CHCHD3: variants seen among roughly 807,000 people sequenced by gnomAD.
CHCHD3 encodes coiled-coil-helix-coiled-coil-helix domain containing 3.
Under a neutral mutation model 38.2 loss-of-function variants are expected in CHCHD3, and 20 were observed. That is an observed-to-expected ratio of 0.52 (90% CI 0.37 to 0.76). The LOEUF (loss-of-function observed/expected upper bound fraction) is 0.76. Ranked by LOEUF, CHCHD3 falls within the 30% of genes least tolerant of loss-of-function variation. CHCHD3 has a pLI of 0.00. For missense variants in CHCHD3, 245 were observed against 279.2 expected, an observed-to-expected ratio of 0.88 and a Z score of 0.87; for synonymous variants, 82 against 100.0, an observed-to-expected ratio of 0.82 and a Z score of 1.07.
In CHCHD3 at chr7:132,864,624, T is replaced by G. The variant is rs1808572401; in HGVS notation, c.453+21038A>C. Among the ~76,000 whole-genome samples the G allele has an allele frequency of 2.0e-5, 3 of 152,154 alleles. No homozygotes were observed. In the South Asian group the frequency reaches 6.2e-4, roughly 32 times the overall value. The stretch of plus-strand genomic sequence containing the variant: ...TAAAAAGGCAAATGAAGTATGTCTG[T>G]ACTGTGATTTGTCCATCTGGCACCT... On this transcript the variant is annotated intron_variant, in intron 5 of 7. Coordinates refer to ENST00000262570, the MANE Select transcript of CHCHD3 (RefSeq NM_017812.4).
chr7:132,930,160 C>CT (rs1239916406), intron 4 of CHCHD3, among the ~76,000 whole-genome samples: 1 of 144,610 alleles, frequency 6.9e-6, no homozygotes, highest in Non-Finnish European at 1.5e-5. Context: ...CCTCCCACTC[C>CT]TAATTTTTTT....
chr7:132,884,005 C>T (rs1392073270), intron 5 of CHCHD3, among the ~76,000 whole-genome samples: 1 of 152,174 alleles, frequency 6.6e-6, no homozygotes, highest in Non-Finnish European at 1.5e-5. Flanking sequence ...GTCAGCTCTA[C>T]CTTTAAAATA....
chr7:132,787,609 G>A lies in CHCHD3; in HGVS notation c.661-1949C>T, dbSNP rs150030264. On this transcript the variant is annotated intron_variant, in intron 7 of 7. Coordinates refer to ENST00000262570, the MANE Select transcript of CHCHD3 (RefSeq NM_017812.4). ...AGAAGGACGCTGTAGGCCCTCTGAG[G>A]TCAAAGGTCTCTAGACACAACAATT... Among the ~76,000 whole-genome samples, 1,244 of 152,154 alleles carry A rather than the reference G, an allele frequency of 8.2e-3. 13 individuals carry two copies. Among genetic ancestry groups the A allele is most frequent in the African/African-American group, 0.029 (1,209 of 41,474 alleles).
chr7:132,807,606 A>AATATATATAT (rs55835343), intron 6 of CHCHD3, among the ~76,000 whole-genome samples: 1,283 of 108,768 alleles, frequency 0.012, 34 homozygotes, highest in Non-Finnish European at 0.015. Context: ...CATACACATA[A>AATATATATAT]ATATATATAT....
At chr7:132,972,812 T>A in intron 4 of CHCHD3, 3 of 985,368 alleles carry the variant, frequency 3.0e-6, no homozygotes, top group Non-Finnish European at 3.6e-6. Flanking sequence ...GTACTACAAT[T>A]TGTCATCTAT....
At chr7:132,872,501 T>C (rs1161397823) in intron 5 of CHCHD3, among the ~76,000 whole-genome samples, 3 of 152,228 alleles carry the variant, frequency 2.0e-5, no homozygotes, top group Admixed American at 2.0e-4. Context: ...TTCTTTTCTC[T>C]GCATCCCCTC....
At chr7:133,064,437 G>C (rs765876609) in intron 2 of CHCHD3, among the ~76,000 whole-genome samples, 11 of 152,212 alleles carry the variant, frequency 7.2e-5, no homozygotes, top group Non-Finnish European at 1.0e-4. Flanking sequence ...TGGAAACCTA[G>C]ATGTTCAGTT....
intron 2 of CHCHD3, among the ~76,000 whole-genome samples, chr7:133,038,538 T>C (rs1813741281): frequency 6.6e-6 from 1 of 152,160 alleles, no homozygotes; most frequent in Non-Finnish European, 1.5e-5. Context: ...AGCATTTAAT[T>C]TTGTCTTCCA....
intron 5 of CHCHD3, among the ~76,000 whole-genome samples, chr7:132,860,316 A>G (rs7786548): frequency 0.051 from 6,855 of 134,632 alleles, 222 homozygotes; most frequent in South Asian, 0.11. Flanking sequence ...GAGAGAGAGA[A>G]AGAGAGAGAG....
chr7:132,928,634 T>A (rs1399117065), intron 4 of CHCHD3, among the ~76,000 whole-genome samples: 1 of 151,990 alleles, frequency 6.6e-6, no homozygotes, highest in Non-Finnish European at 1.5e-5. Flanking sequence ...GAGGCGGAGG[T>A]TGCAGTGAGC....
intron 7 of CHCHD3, among the ~76,000 whole-genome samples, chr7:132,795,543 C>G (rs1806585576): frequency 6.6e-6 from 1 of 152,078 alleles, no homozygotes; most frequent in South Asian, 2.1e-4. Context: ...ACTAACCCTC[C>G]CGTCGGATAT....
chr7:132,987,511 G>A (rs1055217551), intron 3 of CHCHD3, among the ~76,000 whole-genome samples: 1 of 152,168 alleles, frequency 6.6e-6, no homozygotes, highest in African/African-American at 2.4e-5. Flanking sequence ...CACACCAGAC[G>A]AATTAACAGA....
chr7:132,902,909 A>G (rs1162862465), intron 4 of CHCHD3, among the ~76,000 whole-genome samples: 1 of 152,252 alleles, frequency 6.6e-6, no homozygotes, highest in East Asian at 1.9e-4. Flanking sequence ...AAAACGAGGC[A>G]GAGAGCTCCA....
At chr7:133,062,432 C>G (rs1023200029) in intron 2 of CHCHD3, among the ~76,000 whole-genome samples, 1 of 152,144 alleles carries the variant, frequency 6.6e-6, no homozygotes, top group African/African-American at 2.4e-5. Context: ...TTTTATTTCA[C>G]AAATCTTGAA....
intron 4 of CHCHD3, among the ~76,000 whole-genome samples, chr7:132,900,336 G>A (rs902388777): frequency 1.2e-5 from 1 of 82,698 alleles, no homozygotes; most frequent in Non-Finnish European, 2.5e-5. Context: ...AGGTGATGGA[G>A]GGAGAGAGAT....
At chr7:132,913,367 A>G (rs1324698467) in intron 4 of CHCHD3, among the ~76,000 whole-genome samples, 1 of 152,216 alleles carries the variant, frequency 6.6e-6, no homozygotes, top group Admixed American at 6.5e-5. Context: ...AGAAGGGGAA[A>G]TTATGCCTCT....
intron 5 of CHCHD3, among the ~76,000 whole-genome samples, chr7:132,850,106 T>A (rs1292949071): frequency 6.6e-6 from 1 of 152,168 alleles, no homozygotes; most frequent in Admixed American, 6.5e-5. Context: ...GAAGCAACTT[T>A]CTCCTTTGCA....
At chr7:133,062,801 GGA>G (rs780786983) in intron 2 of CHCHD3, among the ~76,000 whole-genome samples, 2 of 152,070 alleles carry the variant, frequency 1.3e-5, no homozygotes, top group East Asian at 3.9e-4. Context: ...GGGCAAGTAG[GGA>G]GTGTCCGGCC....
rs141185464 is a variant in CHCHD3, at chr7:132,790,855, A to T, written c.661-5195T>A. 2.8e-3 allele frequency among the ~76,000 whole-genome samples: 430 copies of T among 152,266 alleles called. 4 individuals are homozygous for T. Among genetic ancestry groups the T allele is most frequent in the African/African-American group, 9.7e-3 (404 of 41,542 alleles). On this transcript the variant is annotated intron_variant, in intron 7 of 7. Coordinates refer to ENST00000262570, the MANE Select transcript of CHCHD3 (RefSeq NM_017812.4). ...GTGAGCTAGCCAGGGGACTGGGGTC[A>T]CCTACTGTTTCAATGGGAGCAAGAG...
Sources: gnomAD v4.1 joint callset for allele counts (sites outside exome capture counted in the v4.1 genomes callset) on GRCh38, gnomAD v4.1.1 for gene constraint, MANE v1.5 for transcripts, NCBI Gene and HGNC (gene_info 2026-07-23, HGNC 2026-07-21) for gene names.